RPS3A: variants seen among roughly 807,000 people sequenced by gnomAD.
RPS3A encodes small ribosomal subunit protein eS1.
RPS3A carries 1 observed loss-of-function variant against 26.4 expected under a neutral mutation model. The ratio of observed to expected loss-of-function variants is 0.04; its 90% CI spans 0.01 to 0.18. RPS3A has a LOEUF of 0.18. RPS3A is among the 10% of genes least tolerant of loss of function. The probability of loss-of-function intolerance (pLI) is 1.00; values close to 1 mark genes in which losing one functional copy is unlikely to be tolerated. For missense variants in RPS3A, 139 were observed against 326.8 expected (o/e 0.43, Z 4.43); for synonymous variants, 97 against 106.1 (o/e 0.91, Z 0.53).
intron 4 of RPS3A, 53 bp downstream of exon 4, chr4:151,103,132 C>A: frequency 6.4e-7 from 1 of 1,558,624 alleles, no homozygotes; most frequent in Non-Finnish European, 8.6e-7. Context: ...TTGGATTATT[C>A]CTGAGATGAG....
chr4:151,100,418 C>T, intron 1 of RPS3A, 67 bp from the exon 2 acceptor site: 3 of 885,708 alleles, frequency 3.4e-6, no homozygotes, highest in African/African-American at 1.7e-5. Flanking sequence ...TGGGAAATAC[C>T]ATTAACAGTG....
chr4:151,100,019 C>T, intron 1 of RPS3A: 1 of 614,394 alleles, frequency 1.6e-6, no homozygotes, highest in Non-Finnish European at 3.0e-6. Flanking sequence ...TTTGATGGCA[C>T]TGCGACAGCA....
intron 3 of RPS3A, among the ~76,000 whole-genome samples, chr4:151,101,442 G>A (rs1019992219): frequency 1.3e-5 from 2 of 152,134 alleles, no homozygotes; most frequent in Non-Finnish European, 1.5e-5. Context: ...TTTGAGGAAC[G>A]TTTAGGTGCA....
chr4:151,100,196 C>T (rs911685193), intron 1 of RPS3A, among the ~76,000 whole-genome samples: 1 of 152,120 alleles, frequency 6.6e-6, no homozygotes. Flanking sequence ...GCATGTTACT[C>T]GTGCCTGTGT....
chr4:151,099,853 A>G (rs1196409835), intron 1 of RPS3A, 139 bp downstream of exon 1: 4 of 824,922 alleles, frequency 4.8e-6, no homozygotes, highest in Non-Finnish European at 7.7e-6. Context: ...GCACCCAGGA[A>G]CGCGGCCTGG....
At chr4:151,103,145 A>T (rs889374119) in intron 4 of RPS3A, 66 bp downstream of exon 4, 1 of 1,535,770 alleles carries the variant, frequency 6.5e-7, no homozygotes, top group African/African-American at 1.4e-5. Flanking sequence ...GAGATGAGAG[A>T]ACGCATATGA....
intron 3 of RPS3A, among the ~76,000 whole-genome samples, chr4:151,102,366 G>A (rs1004140498): frequency 5.9e-5 from 9 of 152,056 alleles, no homozygotes; most frequent in African/African-American, 2.2e-4. Flanking sequence ...TTAATCATCA[G>A]CATGGCTTTA....
intron 3 of RPS3A, 72 bp downstream of exon 3, chr4:151,101,234 G>A (rs1747101825): frequency 3.7e-6 from 3 of 808,174 alleles, no homozygotes; most frequent in South Asian, 4.8e-5. Context: ...TTGATGACTG[G>A]AAGGAGCAAG....
In RPS3A at chr4:151,100,480, T is replaced by C. The variant is rs1217087297; in HGVS notation, c.63-5T>C. Reference sequence around the variant, plus strand: ...ATGGAACTTAAGCATCTTCTTAAAATCCAGGGTTGATCCATTTTCTAAGAA... The same window carrying C: ...ATGGAACTTAAGCATCTTCTTAAAACCCAGGGTTGATCCATTTTCTAAGAA... On this transcript the variant is annotated splice_polypyrimidine_tract_variant and splice_region_variant and intron_variant, in intron 1 of 5. Transcript: ENST00000274065. 2 of 1,515,670 alleles carry C rather than the reference T, an allele frequency of 1.3e-6. No homozygotes were observed. The highest frequency in any genetic ancestry group is 2.2e-5 in the South Asian group (2 of 88,908). 93.9% of individuals were successfully genotyped at this position (1,515,670 alleles called of 1,614,324 possible).
At chr4:151,102,820 TA>T in intron 3 of RPS3A, 50 bp from the exon 4 acceptor site, 2 of 1,551,934 alleles carry the variant, frequency 1.3e-6, no homozygotes, top group Non-Finnish European at 8.7e-7. Flanking sequence ...ACTTGAGGGA[TA>T]AATGGATAAC....
intron 2 of RPS3A, 70 bp downstream of exon 2, chr4:151,100,658 C>A: frequency 2.1e-6 from 2 of 933,962 alleles, no homozygotes; most frequent in Admixed American, 1.8e-5. Context: ...GCATCTTGGT[C>A]TGTTGTTGGT....
chr4:151,101,321 G>T (rs1747105026), intron 3 of RPS3A, among the ~76,000 whole-genome samples, 159 bp downstream of exon 3: 1 of 152,208 alleles, frequency 6.6e-6, no homozygotes, highest in South Asian at 2.1e-4. Flanking sequence ...TGCCGTTGTT[G>T]AGTGCTAACT....
chr4:151,101,793 C>T (rs1044435579), intron 3 of RPS3A, among the ~76,000 whole-genome samples: 65 of 152,122 alleles, frequency 4.3e-4, no homozygotes, highest in African/African-American at 1.4e-3. Flanking sequence ...AGTGCAGTGG[C>T]GCCATCTCTG....
intron 4 of RPS3A, 86 bp downstream of exon 4, chr4:151,103,165 A>C (rs943667338): frequency 6.7e-7 from 1 of 1,501,126 alleles, no homozygotes; most frequent in Non-Finnish European, 8.9e-7. Context: ...AGACAAGGTA[A>C]AGGTCTGTTG....
intron 4 of RPS3A, chr4:151,103,704 C>A: frequency 9.3e-7 from 1 of 1,078,602 alleles, no homozygotes; most frequent in Non-Finnish European, 1.2e-6. Flanking sequence ...GAGTTTGAGG[C>A]CAGCCTGGGC....
chr4:151,104,146 T>A, intron 4 of RPS3A, 31 bp from the exon 5 acceptor site: 1 of 1,587,522 alleles, frequency 6.3e-7, no homozygotes, highest in Non-Finnish European at 8.5e-7. Context: ...CTAGGACTTT[T>A]AGAAAAAAAT....
intron 1 of RPS3A, chr4:151,100,048 C>T (rs1747049880): frequency 1.2e-5 from 7 of 577,334 alleles, no homozygotes; most frequent in Non-Finnish European, 2.3e-5. Flanking sequence ...GGAAAGCACC[C>T]TTCTATCCAT....
At chr4:151,103,365 A>G in intron 4 of RPS3A, 1 of 579,322 alleles carries the variant, frequency 1.7e-6, no homozygotes, top group Non-Finnish European at 2.4e-6. Context: ...GCAGTTCTTG[A>G]GCCTCAGCCT....
Position 151,099,911 on chromosome 4 carries a change from C to G in RPS3A, c.62+197C>G, listed in dbSNP as rs1460524999. 17 of 595,430 alleles carry G rather than the reference C, an allele frequency of 2.9e-5. No homozygotes were observed. In the Admixed American group the frequency reaches 3.2e-4, roughly 11 times the overall value. 36.9% of individuals were successfully genotyped at this position (595,430 alleles called of 1,614,324 possible). A position where few individuals can be genotyped will look rare whatever the true frequency, so the allele number is the denominator to read the frequency against. On this transcript the variant is annotated intron_variant, in intron 1 of 5. Coordinates refer to ENST00000274065, the MANE Select transcript of RPS3A (RefSeq NM_001006.5). ...AGGTCGGCTGCCTTTCCCAGGCCTT[C>G]TGGTCCTTGCGCGCGTCGCGTTTGA... is the stretch of plus-strand genomic sequence containing the variant.
Sources: gnomAD v4.1 joint callset for allele counts (sites outside exome capture counted in the v4.1 genomes callset) on GRCh38, gnomAD v4.1.1 for gene constraint, MANE v1.5 for transcripts, NCBI Gene and HGNC (gene_info 2026-07-23, HGNC 2026-07-21) for gene names.